CUL3: variants seen among roughly 807,000 people sequenced by gnomAD.
The protein encoded by CUL3 is cullin 3, also known as cullin-3.
A neutral mutation model predicts 89.1 loss-of-function variants in CUL3; 19 were observed. The ratio of observed to expected loss-of-function variants is 0.21; its 90% CI spans 0.15 to 0.31. The LOEUF is 0.31. Among genes scored for constraint, CUL3 ranks in the 10% least tolerant of loss-of-function variants. The probability of loss-of-function intolerance (pLI) is 1.00; values close to 1 mark genes in which losing one functional copy is unlikely to be tolerated. For synonymous variants in CUL3, 351 were observed against 308.4 expected, an observed-to-expected ratio of 1.14 and a Z score of -1.45; for missense variants, 469 against 942.3, an observed-to-expected ratio of 0.50 and a Z score of 6.58.
chr2:224,509,623 T>C (rs1434714059), intron 6 of CUL3, among the ~76,000 whole-genome samples: 1 of 152,210 alleles, frequency 6.6e-6, no homozygotes, highest in Non-Finnish European at 1.5e-5. Flanking sequence ...TATTATGGTA[T>C]TCCTTCATTC....
chr2:224,489,300 G>A (rs776917322), intron 13 of CUL3, among the ~76,000 whole-genome samples: 1 of 152,218 alleles, frequency 6.6e-6, no homozygotes. Flanking sequence ...CAAACAGGAA[G>A]AGAGGAAGTC....
At chr2:224,503,963 G>T in intron 8 of CUL3, 141 bp from the exon 9 acceptor site, 1 of 606,346 alleles carries the variant, frequency 1.6e-6, no homozygotes, top group Non-Finnish European at 2.7e-6. Flanking sequence ...GATACGGTTT[G>T]AGAAAGTGTC....
Position 224,584,937 on chromosome 2 carries a change from G to C in CUL3, c.66+7C>G, listed in dbSNP as rs774136023. On this transcript the variant is annotated splice_region_variant and intron_variant, in intron 1 of 15. Transcript: ENST00000264414. The stretch of plus-strand genomic sequence containing the variant: ...CCCGGGGTCCCGGACGCCGAGGAGA[G>C]ACTCACCGGAAAGGCCCGGATCCGC... 6.8e-7 allele frequency: 1 copy of C among 1,478,252 alleles called. No homozygotes were observed. The highest frequency in any genetic ancestry group is 1.2e-5 in the South Asian group (1 of 82,422). The allele number at this position is 1,478,252 out of a possible 1,614,324, so 91.6% of individuals were successfully genotyped here. A position where few individuals can be genotyped will look rare whatever the true frequency, so the allele number is the denominator to read the frequency against.
intron 14 of CUL3, chr2:224,479,255 C>G (rs1057311223): frequency 2.0e-5 from 3 of 151,878 alleles, no homozygotes; most frequent in Admixed American, 6.6e-5. Flanking sequence ...GAAGATCATT[C>G]TGGTGTGCGT....
intron 3 of CUL3, among the ~76,000 whole-genome samples, chr2:224,517,812 A>G (rs765243536): frequency 6.6e-6 from 1 of 152,060 alleles, no homozygotes; most frequent in Admixed American, 6.5e-5. Context: ...TTTTTTTACT[A>G]TTTTCACTCT....
intron 2 of CUL3, among the ~76,000 whole-genome samples, chr2:224,539,030 A>C (rs376386712): frequency 0.29 from 43,561 of 152,118 alleles, 6,546 homozygotes; most frequent in Middle Eastern, 0.41. Context: ...AGTGAAGAGA[A>C]TGAGAAAACA....
At chr2:224,508,630 A>G (rs1476887222) in intron 6 of CUL3, among the ~76,000 whole-genome samples, 1 of 152,186 alleles carries the variant, frequency 6.6e-6, no homozygotes, top group Non-Finnish European at 1.5e-5. Context: ...GCATGCAAAA[A>G]TTAAATATCA....
intron 1 of CUL3, among the ~76,000 whole-genome samples, chr2:224,560,143 CTT>C (rs1694858878): frequency 6.6e-6 from 1 of 152,120 alleles, no homozygotes. Flanking sequence ...ACTACAATCT[CTT>C]GTTTTTCTTC....
intron 2 of CUL3, among the ~76,000 whole-genome samples, chr2:224,550,740 T>C (rs1440801798): frequency 1.3e-5 from 2 of 152,228 alleles, no homozygotes; most frequent in Admixed American, 1.3e-4. Flanking sequence ...AAAACTTTTC[T>C]CAATCTTAAC....
intron 3 of CUL3, among the ~76,000 whole-genome samples, chr2:224,531,900 C>T (rs1183033399): frequency 6.6e-6 from 1 of 152,076 alleles, no homozygotes; most frequent in African/African-American, 2.4e-5. Context: ...GCCCAGTGAA[C>T]ACTGTAAGAC....
At position 224,483,191 on chromosome 2, in the gene CUL3, T is replaced by G. The variant is rs116368991; in HGVS notation, c.1843-1113A>C. On this transcript the variant is annotated intron_variant, in intron 13 of 15. Coordinates refer to ENST00000264414, the MANE Select transcript of CUL3 (RefSeq NM_003590.5). ...GGTGCTATTATTAGAATGAAGATGT[T>G]TATTATTACATACATGCTAAAAGTG... Among the ~76,000 whole-genome samples the G allele has an allele frequency of 2.1e-3, 323 of 152,334 alleles. 1 individual carries two copies. Among genetic ancestry groups the G allele is most frequent in the African/African-American group, 7.1e-3 (294 of 41,582 alleles).
intron 1 of CUL3, among the ~76,000 whole-genome samples, chr2:224,584,626 C>G (rs1005292309): frequency 6.6e-6 from 1 of 151,778 alleles, no homozygotes; most frequent in Non-Finnish European, 1.5e-5. Flanking sequence ...GGCCTACAAC[C>G]CCGGCAACGT....
chr2:224,521,070 G>C (rs1231914905), intron 3 of CUL3, among the ~76,000 whole-genome samples: 1 of 152,062 alleles, frequency 6.6e-6, no homozygotes, highest in East Asian at 1.9e-4. Flanking sequence ...TGAAAATTAA[G>C]TCCAAAAAAC....
At chr2:224,475,078 C>T (rs1000542183) in intron 15 of CUL3, among the ~76,000 whole-genome samples, 3 of 152,234 alleles carry the variant, frequency 2.0e-5, no homozygotes, top group East Asian at 1.9e-4. Flanking sequence ...AGTGCAGCGG[C>T]GCAATCTCCG....
intron 13 of CUL3, among the ~76,000 whole-genome samples, chr2:224,491,021 T>C (rs373650510): frequency 1.1e-4 from 16 of 152,194 alleles, no homozygotes; most frequent in African/African-American, 3.9e-4. Flanking sequence ...TGATATGGTA[T>C]GTTTTGTTAT....
intron 1 of CUL3, among the ~76,000 whole-genome samples, chr2:224,584,359 TG>T (rs1370127312): frequency 6.6e-6 from 1 of 152,080 alleles, no homozygotes; most frequent in Non-Finnish European, 1.5e-5. Flanking sequence ...GCTTGTAGGA[TG>T]AAAGACGCTA....
At chr2:224,570,662 T>C (rs1695163593) in intron 1 of CUL3, among the ~76,000 whole-genome samples, 1 of 152,050 alleles carries the variant, frequency 6.6e-6, no homozygotes, top group African/African-American at 2.4e-5. Context: ...AAAAAAAAGA[T>C]TATCAATTAG....
At chr2:224,487,386 G>A (rs1024643245) in intron 13 of CUL3, among the ~76,000 whole-genome samples, 3 of 143,700 alleles carry the variant, frequency 2.1e-5, no homozygotes, top group Non-Finnish European at 4.5e-5. Context: ...TACATGCAAA[G>A]GCACACACAG....
rs1691689784 is a variant in CUL3 at position 224,485,671 on chromosome 2, T to C, written c.1843-3593A>G. On this transcript the variant is annotated intron_variant, in intron 13 of 15. Coordinates refer to ENST00000264414, the MANE Select transcript of CUL3 (RefSeq NM_003590.5). This position sits in a 1 kb window ranked among gnomAD's most constrained non-coding sequence, Gnocchi z 4.1. ...ACAGAGCACCTGGGAAGAAGGCAGC[T>C]ATGGGCCCAGCTTCAGCAGAATTAA... is the stretch of plus-strand genomic sequence containing the variant. 6.6e-6 allele frequency among the ~76,000 whole-genome samples: 1 copy of C among 152,176 alleles called. No homozygotes were observed. Among genetic ancestry groups the C allele is most frequent in the Non-Finnish European group, 1.5e-5 (1 of 68,030 alleles).
Sources: allele counts gnomAD v4.1 joint callset (sites outside exome capture counted in the v4.1 genomes callset), GRCh38; gene constraint gnomAD v4.1.1; non-coding constraint Gnocchi (gnomAD v3.1); transcripts MANE v1.5; gene names NCBI Gene and HGNC (gene_info 2026-07-23, HGNC 2026-07-21).